Variants in RNF216 observed in about 807,000 individuals in gnomAD.
RNF216 encodes ring finger protein 216.
In RNF216, 72 loss-of-function variants were observed where a neutral mutation model predicts 110.8. The ratio of observed to expected loss-of-function variants is 0.65; its 90% confidence interval spans 0.54 to 0.79. The LOEUF is 0.79. Ranked by LOEUF, RNF216 falls within the 30% of genes least tolerant of loss-of-function variation. The pLI is 0.00. For synonymous variants in RNF216, 495 were observed against 407.5 expected (o/e 1.21, Z -2.59); for missense variants, 1,342 against 1,141.2 (o/e 1.18, Z -2.54).
intron 13 of RNF216, among the ~76,000 whole-genome samples, chr7:5,694,187 A>G (rs779415692): frequency 6.6e-6 from 1 of 152,184 alleles, no homozygotes; most frequent in Non-Finnish European, 1.5e-5. Flanking sequence ...CATTTTGTAA[A>G]CTTTCCATTT....
At chr7:5,642,054 AAAAG>A (rs1489680329) in intron 14 of RNF216, among the ~76,000 whole-genome samples, 9 of 151,066 alleles carry the variant, frequency 6.0e-5, no homozygotes, top group African/African-American at 9.7e-5. Flanking sequence ...AAGAAAAAAA[AAAAG>A]AAAGAAAGAA....
rs146356109 is a variant in RNF216 at position 5,623,151 on chromosome 7, C to T, written c.2481G>A (p.Pro827=). ...GCACCTTCTCCACAGGCTTCTCCAG[C>T]GGGGGTCCAATGCGTTTGAAGGTGT... ...GENTFKRIGP[P]LEKPVEKVQR... The change falls in exon 17 of 17, where the codon CCG becomes CCA. Residue 827 remains proline, a synonymous_variant. Coordinates refer to ENST00000389902, the MANE Select transcript of RNF216 (RefSeq NM_207111.4). The T allele has an allele frequency of 8.2e-5, 130 of 1,579,508 alleles. No homozygotes were observed. In the African/African-American group the frequency reaches 1.5e-3, roughly 19 times the overall value.
chr7:5,679,803 G>A (rs1431421299), intron 13 of RNF216, among the ~76,000 whole-genome samples: 2 of 152,184 alleles, frequency 1.3e-5, no homozygotes, highest in Non-Finnish European at 2.9e-5. Context: ...GTGGGAATGA[G>A]CATCTTTAGA....
At chr7:5,630,380 G>A (rs868620002) in intron 15 of RNF216, among the ~76,000 whole-genome samples, 1 of 151,996 alleles carries the variant, frequency 6.6e-6, no homozygotes, top group Admixed American at 6.6e-5. Flanking sequence ...CAATCATCTC[G>A]TACCTTTTTT....
At position 5,622,607 on chromosome 7, in the gene RNF216, T is replaced by C. The variant is rs966992579; in HGVS notation, c.*253A>G. On this transcript the variant is annotated 3_prime_UTR_variant, in exon 17 of 17. Coordinates refer to ENST00000389902, the MANE Select transcript of RNF216 (RefSeq NM_207111.4). ...GGCAGAAGGACTGCCGTTGGTGGCC[T>C]GGGGGATGCGAGGGGAGGGGCAGTT... 17 of 491,408 alleles carry C rather than the reference T, an allele frequency of 3.5e-5. No individual in the cohort carries two copies. The highest frequency in any genetic ancestry group is 1.9e-5 in the African/African-American group (1 of 51,884). The allele number at this position is 491,408 out of a possible 1,614,324, so 30.4% of individuals were successfully genotyped here. A position where few individuals can be genotyped will look rare whatever the true frequency, so the allele number is the denominator to read the frequency against.
chr7:5,630,864 T>C (rs995729388), intron 15 of RNF216, among the ~76,000 whole-genome samples: 1 of 152,178 alleles, frequency 6.6e-6, no homozygotes, highest in African/African-American at 2.4e-5. Flanking sequence ...GAGGAAACCC[T>C]GGCACAGCGA....
intron 2 of RNF216, among the ~76,000 whole-genome samples, chr7:5,756,627 T>C (rs1026377725): frequency 6.6e-6 from 1 of 152,256 alleles, no homozygotes; most frequent in East Asian, 1.9e-4. Context: ...TTTTGTTTTG[T>C]TTTTTGTTTT....
At chr7:5,723,974 A>T (rs1328007748) in intron 8 of RNF216, among the ~76,000 whole-genome samples, 1 of 152,368 alleles carries the variant, frequency 6.6e-6, no homozygotes, top group Non-Finnish European at 1.5e-5. Context: ...AGATTATCTG[A>T]TAAGTAAAAT....
At position 5,625,605 on chromosome 7, in the gene RNF216, C is replaced by T. The variant is rs184979110; in HGVS notation, c.2383-1480G>A. Among the ~76,000 whole-genome samples, 460 of 152,312 alleles carry T rather than the reference C, an allele frequency of 3.0e-3. 1 individual carries two copies. The highest frequency in any genetic ancestry group is 5.2e-3 in the Non-Finnish European group (357 of 68,030). On this transcript the variant is annotated intron_variant, in intron 15 of 16. Coordinates refer to ENST00000389902, the MANE Select transcript of RNF216 (RefSeq NM_207111.4). Reference sequence around the variant, plus strand: ...CAGCCAAGACAGAAATGAGTGATTTCCCCACACAATTGTTTGTGAACCGCA... The same window carrying T: ...CAGCCAAGACAGAAATGAGTGATTTTCCCACACAATTGTTTGTGAACCGCA...
chr7:5,624,801 A>G lies in RNF216; in HGVS notation c.2383-676T>C, dbSNP rs1218135133. 6.6e-6 allele frequency among the ~76,000 whole-genome samples: 1 copy of G among 152,226 alleles called. No homozygotes were observed. The highest frequency in any genetic ancestry group is 2.4e-5 in the African/African-American group (1 of 41,474). On this transcript the variant is annotated intron_variant, in intron 15 of 16. Coordinates refer to ENST00000389902, the MANE Select transcript of RNF216 (RefSeq NM_207111.4). The surrounding 1 kb of genome is among the most constrained non-coding windows in gnomAD (Gnocchi z 4.4). ...GAAGAGGCACTGTGAGTGCAGGCAG[A>G]TGTGGGAGCTGTGCTGGGAAACTCA... is the stretch of plus-strand genomic sequence containing the variant.
In RNF216 at chr7:5,624,412, G is replaced by A. The variant is rs1438586356; in HGVS notation, c.2383-287C>T. The stretch of plus-strand genomic sequence containing the variant: ...AGGTGGGGGGATGGAGGGCCTCCAT[G>A]CACTGAGCTGCGTGCAAGTGGTGGA... On this transcript the variant is annotated intron_variant, in intron 15 of 16. Coordinates refer to ENST00000389902, the MANE Select transcript of RNF216 (RefSeq NM_207111.4). This position sits in a 1 kb window ranked among gnomAD's most constrained non-coding sequence, Gnocchi z 4.4. Among the ~76,000 whole-genome samples, 1 of 152,260 alleles carries A rather than the reference G, an allele frequency of 6.6e-6. No homozygotes were observed. Among genetic ancestry groups the A allele is most frequent in the Non-Finnish European group, 1.5e-5 (1 of 68,050 alleles).
intron 13 of RNF216, among the ~76,000 whole-genome samples, chr7:5,700,480 A>T (rs1011013669): frequency 6.6e-6 from 1 of 152,254 alleles, no homozygotes; most frequent in Non-Finnish European, 1.5e-5. Context: ...GAAAAATGTC[A>T]TTAAATTATT....
intron 14 of RNF216, among the ~76,000 whole-genome samples, chr7:5,644,161 A>G (rs901186923): frequency 6.6e-6 from 1 of 152,212 alleles, no homozygotes; most frequent in African/African-American, 2.4e-5. Context: ...CACAAGTTTT[A>G]TATGGACACT....
At chr7:5,740,915 AAAAG>A in intron 4 of RNF216, 54 bp downstream of exon 4, 1 of 1,495,064 alleles carries the variant, frequency 6.7e-7, no homozygotes, top group African/African-American at 1.4e-5. Context: ...TGAAAAAAAA[AAAAG>A]AAAAAAACTC....
intron 2 of RNF216, among the ~76,000 whole-genome samples, chr7:5,756,665 G>A (rs551810513): frequency 6.6e-6 from 1 of 152,262 alleles, no homozygotes; most frequent in South Asian, 2.1e-4. Context: ...CTGTTGCCCA[G>A]GCTAGAGTAC....
chr7:5,729,079 G>A (rs553193767), intron 7 of RNF216, among the ~76,000 whole-genome samples: 122 of 152,236 alleles, frequency 8.0e-4, no homozygotes, highest in African/African-American at 2.6e-3. Context: ...CCTATCACTG[G>A]TAACTGAGCC....
At chr7:5,679,639 A>C (rs1790525470) in intron 13 of RNF216, among the ~76,000 whole-genome samples, 1 of 152,204 alleles carries the variant, frequency 6.6e-6, no homozygotes, top group African/African-American at 2.4e-5. Flanking sequence ...ACAGACACAA[A>C]ATCAAAACCA....
intron 13 of RNF216, among the ~76,000 whole-genome samples, chr7:5,705,582 C>T (rs1792226595): frequency 6.6e-6 from 1 of 152,046 alleles, no homozygotes; most frequent in Non-Finnish European, 1.5e-5. Context: ...TCCCTCTTGG[C>T]AGAGGGAAAA....
intron 7 of RNF216, among the ~76,000 whole-genome samples, chr7:5,726,521 C>T (rs1478117444): frequency 1.3e-5 from 2 of 152,144 alleles, no homozygotes; most frequent in Admixed American, 6.5e-5. Flanking sequence ...TCTTTCCTAC[C>T]TTCAGCTTCT....
Sources: gnomAD v4.1 joint callset for allele counts (sites outside exome capture counted in the v4.1 genomes callset) on GRCh38, gnomAD v4.1.1 for gene constraint, Gnocchi (gnomAD v3.1) non-coding constraint, MANE v1.5 for transcripts, NCBI Gene and HGNC (gene_info 2026-07-23, HGNC 2026-07-21) for gene names.